ULK1: variants seen among roughly 807,000 people sequenced by gnomAD.
The protein encoded by ULK1 is serine/threonine-protein kinase ULK1.
Under a neutral mutation model 117.5 loss-of-function variants are expected in ULK1, and 48 were observed. The ratio of observed to expected loss-of-function variants is 0.41; its 90% confidence interval spans 0.32 to 0.52. ULK1 has a LOEUF of 0.52. Among genes scored for constraint, ULK1 ranks in the 20% least tolerant of loss-of-function variants. The pLI, the probability that ULK1 is intolerant of heterozygous loss-of-function variation, is 0.29. For missense variants in ULK1, 1,387 were observed against 1,473.4 expected (o/e 0.94, Z 0.96); for synonymous variants, 790 against 637.8 (o/e 1.24, Z -3.60).
chr12:131,914,841 A>G (rs4964920), intron 16 of ULK1, among the ~76,000 whole-genome samples: 150,885 of 152,278 alleles, frequency 0.99, 74,766 homozygotes, highest in Middle Eastern at 1. Flanking sequence ...TTGGGTTGGC[A>G]CCCCGGGCAG....
intron 3 of ULK1, among the ~76,000 whole-genome samples, chr12:131,896,263 T>G (rs1459091330): frequency 1.3e-5 from 2 of 152,070 alleles, no homozygotes; most frequent in African/African-American, 4.8e-5. Flanking sequence ...CGGAGACTCC[T>G]GCTCGCTGGC....
intron 3 of ULK1, chr12:131,896,931 TGCTCCCCTCCAGG>T (rs1347693435): frequency 6.6e-6 from 1 of 152,490 alleles, no homozygotes; most frequent in Admixed American, 6.5e-5. Context: ...CACTGCCTGC[TGCTCCCCTCCAGG>T]GCTCCCCAGG....
intron 23 of ULK1, among the ~76,000 whole-genome samples, chr12:131,918,985 CGGGTGTGTGGGGTGCA>C (rs1566129346): frequency 8.0e-5 from 2 of 25,016 alleles, no homozygotes; most frequent in African/African-American, 1.3e-4. Context: ...TGTGGGGTGT[CGGGTGTGTGGGGTGCA>C]GGGTGTGTGG....
intron 26 of ULK1, chr12:131,920,743 C>T (rs1402229605): frequency 7.3e-6 from 2 of 273,152 alleles, no homozygotes; most frequent in Admixed American, 9.6e-5. Flanking sequence ...AAAATTTAAG[C>T]ATGTAGTAAA....
intron 19 of ULK1, 101 bp from the exon 20 acceptor site, chr12:131,916,297 A>G: frequency 1.3e-6 from 2 of 1,511,918 alleles, no homozygotes; most frequent in Non-Finnish European, 1.8e-6. Context: ...GGCTGCTCCC[A>G]CATGCCTGCC....
In ULK1 at chr12:131,915,984, C is replaced by T; in HGVS notation, c.1703C>T (p.Pro568Leu). Residue 568 changes from proline to leucine, a missense_variant, in exon 19 of 28, where the codon CCC becomes CTC. Pro to Leu is a moderately conservative substitution (Grantham distance 98, BLOSUM62 -3). This residue lies in a region of ULK1 where 900 missense variants were observed against 858.9 expected (regional missense o/e 1.05). Coordinates refer to ENST00000321867, the MANE Select transcript of ULK1 (RefSeq NM_003565.4). ...CTGTCTGACTTGCACGTCGTCCGCCCCAAGCTGCCCAAACCCCCCACGGAC... is the reference window on the plus strand; with the variant it reads ...CTGTCTGACTTGCACGTCGTCCGCCTCAAGCTGCCCAAACCCCCCACGGAC... ...PNLSDLHVVR[P>L]KLPKPPTDPL... The T allele has an allele frequency of 6.2e-7, 1 of 1,612,480 alleles. No homozygotes were observed. Among genetic ancestry groups the T allele is most frequent in the Non-Finnish European group, 8.5e-7 (1 of 1,179,808 alleles).
chr12:131,915,408 G>A lies in ULK1; in HGVS notation c.1596G>A (p.Arg532=). Residue 532 remains arginine (R), a synonymous_variant, in exon 18 of 28, where the codon AGG becomes AGA. Transcript: ENST00000321867. Reference sequence around the variant, plus strand: ...AGGGAGCTGAGATGCGGGGTGGCAGGTCCCCTCGTCCAGGTGGGTGCAGTC... The same window carrying A: ...AGGGAGCTGAGATGCGGGGTGGCAGATCCCCTCGTCCAGGTGGGTGCAGTC... ...SPQGAEMRGG[R]SPRPGSSAPE... is the part of the protein sequence containing the mutation. 6.2e-7 allele frequency: 1 copy of A among 1,612,640 alleles called. No homozygotes were observed. Among genetic ancestry groups the A allele is most frequent in the Non-Finnish European group, 8.5e-7 (1 of 1,179,966 alleles).
intron 23 of ULK1, 26 bp from the exon 24 acceptor site, chr12:131,919,186 G>A: frequency 6.3e-7 from 1 of 1,577,434 alleles, no homozygotes; most frequent in Non-Finnish European, 8.6e-7. Context: ...GGCAGCACTT[G>A]CCGCCCTGAC....
chr12:131,904,356 C>T (rs948559262), intron 3 of ULK1, among the ~76,000 whole-genome samples: 1 of 152,188 alleles, frequency 6.6e-6, no homozygotes, highest in African/African-American at 2.4e-5. Flanking sequence ...CCATGTTGCC[C>T]AGGCTGGTCT....
At chr12:131,906,654 T>G (rs10902473) in intron 3 of ULK1, 584,483 of 586,422 alleles carry the variant, frequency 1, 291,295 homozygotes, top group Middle Eastern at 1. Context: ...GCTGTTGCTC[T>G]TATGGGGGGA....
Position 131,908,894 on chromosome 12 carries a change from G to A in ULK1, c.491-4G>A, listed in dbSNP as rs553480723. Reference sequence around the variant, plus strand: ...GCGCCGGTCCTGACGCTTCTCTCCCGCAGCTGACTTCGGCTTCGCGCGGTA... The same window carrying A: ...GCGCCGGTCCTGACGCTTCTCTCCCACAGCTGACTTCGGCTTCGCGCGGTA... On this transcript the variant is annotated splice_region_variant and splice_polypyrimidine_tract_variant and intron_variant, in intron 6 of 27. Transcript: ENST00000321867. 5 of 1,610,326 alleles carry A rather than the reference G, an allele frequency of 3.1e-6. No individual in the cohort carries two copies. Among genetic ancestry groups the A allele is most frequent in the African/African-American group, 2.7e-5 (2 of 75,034 alleles).
chr12:131,899,337 C>T (rs964062252), intron 3 of ULK1, among the ~76,000 whole-genome samples: 2 of 150,802 alleles, frequency 1.3e-5, no homozygotes, highest in African/African-American at 2.4e-5. Flanking sequence ...TACAGACATG[C>T]GCCACCACGC....
intron 3 of ULK1, among the ~76,000 whole-genome samples, chr12:131,899,888 G>A (rs2136379244): frequency 6.6e-6 from 1 of 152,340 alleles, no homozygotes; most frequent in African/African-American, 2.4e-5. Context: ...GGGAGGCTGA[G>A]GCGGGTGGAT....
chr12:131,913,793 C>A lies in ULK1; in HGVS notation c.1204C>A (p.Pro402Thr). The A allele has an allele frequency of 6.3e-7, 1 of 1,579,850 alleles. No homozygotes were observed. The part of the protein sequence containing the change: ...SAGLESHGRT[P>T]SPSPPCSSSP... The stretch of plus-strand genomic sequence containing the variant: ...GGGCTTGGAGAGCCACGGCCGGACC[C>A]CATCTCCATCCCCACCCTGCAGCAG... The change falls in exon 15 of 28, where the codon CCA becomes ACA. Residue 402 changes from proline to threonine, a missense_variant. This residue lies in a region of ULK1 where 260 missense variants were observed against 271.6 expected (regional missense o/e 0.96). Coordinates refer to ENST00000321867, the MANE Select transcript of ULK1 (RefSeq NM_003565.4).
rs573338923 is a variant in ULK1 at position 131,919,842 on chromosome 12, C to G, written c.2804-137C>G. On this transcript the variant is annotated intron_variant, in intron 25 of 27. Transcript: ENST00000321867. ...GGACAAGGTGCGGAGCCTGGCCACA[C>G]CCTCAAGGCCACGGGGAGCCAGGGC... is the stretch of plus-strand genomic sequence containing the variant. 1.9e-4 allele frequency: 250 copies of G among 1,335,668 alleles called. 2 individuals carry two copies. In the East Asian group the frequency reaches 3.1e-3, roughly 16 times the overall value. The allele number at this position is 1,335,668 out of a possible 1,614,324, so 82.7% of individuals were successfully genotyped here.
intron 15 of ULK1, among the ~76,000 whole-genome samples, chr12:131,914,083 G>A (rs907991134): frequency 3.3e-5 from 5 of 152,368 alleles, no homozygotes; most frequent in African/African-American, 4.8e-5. Flanking sequence ...AGTCGAGCCT[G>A]TAGGGCCAGG....
In ULK1 at chr12:131,910,324, GGGGCTCCGCAT is replaced by G. The variant is rs1480426058; in HGVS notation, c.859+25_859+35del. 3.1e-6 allele frequency: 5 copies of G among 1,613,472 alleles called. No homozygotes were observed. The African/African-American group carries it at 6.7e-5, about 22-fold the overall frequency. Reference sequence around the variant, plus strand: ...GGAAATGTGAGTTTCTGTGGGTCCTGGGGCTCCGCATGGGCCCTGCATGCACCCCTTCCTCC... The same window carrying G: ...GGAAATGTGAGTTTCTGTGGGTCCTGGGGCCCTGCATGCACCCCTTCCTCC... On this transcript the variant is annotated intron_variant, in intron 11 of 27. Transcript: ENST00000321867.
Position 131,922,463 on chromosome 12 carries a change from T to C in ULK1, c.*1102T>C, listed in dbSNP as rs3088051. 42,394 of 177,832 alleles carry C rather than the reference T, an allele frequency of 0.24. 5,597 individuals carry two copies. Among genetic ancestry groups the C allele is most frequent in the South Asian group, 0.34 (3,171 of 9,318 alleles). The allele number at this position is 177,832 out of a possible 1,614,324, so 11.0% of individuals were successfully genotyped here. On this transcript the variant is annotated 3_prime_UTR_variant, in exon 28 of 28. Coordinates refer to ENST00000321867, the MANE Select transcript of ULK1 (RefSeq NM_003565.4). ...CCCGTCCAGCTTTGACAGTCAGTTT[T>C]GATGTCAGCTCCTCGGCAGGGTAGG...
chr12:131,899,040 G>A (rs942579437), intron 3 of ULK1, among the ~76,000 whole-genome samples: 6 of 150,870 alleles, frequency 4.0e-5, no homozygotes, highest in African/African-American at 1.5e-4. Flanking sequence ...CACCACGCCC[G>A]GCTAATTTTT....
Sources: allele counts gnomAD v4.1 joint callset (sites outside exome capture counted in the v4.1 genomes callset), GRCh38; gene constraint gnomAD v4.1.1; regional missense constraint gnomAD v4.1.1; transcripts MANE v1.5; gene names NCBI Gene and HGNC (gene_info 2026-07-23, HGNC 2026-07-21).